The following RAB3GAP2 variants were observed in gnomAD, a reference collection of about 807,000 sequenced individuals.
RAB3GAP2 encodes rab3 GTPase-activating protein non-catalytic subunit.
In RAB3GAP2, 87 loss-of-function variants were observed where a neutral mutation model predicts 185.3. That is an observed-to-expected ratio of 0.47 (90% CI 0.39 to 0.56). The LOEUF is 0.56. Ranked by LOEUF, RAB3GAP2 falls within the 20% of genes least tolerant of loss-of-function variation. The pLI is 0.00. For missense variants in RAB3GAP2, 1,492 were observed against 1,638.2 expected (o/e 0.91, Z 1.54); for synonymous variants, 554 against 576.1 (o/e 0.96, Z 0.55).
intron 1 of RAB3GAP2, among the ~76,000 whole-genome samples, chr1:220,249,636 G>T (rs1659894457): frequency 6.6e-6 from 1 of 152,192 alleles, no homozygotes; most frequent in Non-Finnish European, 1.5e-5. Flanking sequence ...TGTCACCAGT[G>T]CATGTCAGAG....
chr1:220,231,854 T>C (rs1434971455), intron 2 of RAB3GAP2, among the ~76,000 whole-genome samples: 1 of 152,208 alleles, frequency 6.6e-6, no homozygotes, highest in Non-Finnish European at 1.5e-5. Context: ...GAAACAGGCA[T>C]TAGGATGAAG....
chr1:220,267,751 G>A (rs1023333331), intron 1 of RAB3GAP2: 45 of 1,548,028 alleles, frequency 2.9e-5, no homozygotes, highest in Non-Finnish European at 3.7e-5. Context: ...AAAGGAACAC[G>A]CTGCGAAGAA....
At chr1:220,237,282 T>G (rs1205451111) in intron 1 of RAB3GAP2, among the ~76,000 whole-genome samples, 1 of 152,198 alleles carries the variant, frequency 6.6e-6, no homozygotes, top group African/African-American at 2.4e-5. Context: ...CTACAAATTA[T>G]ACGGCAATTT....
intron 4 of RAB3GAP2, among the ~76,000 whole-genome samples, chr1:220,212,457 C>A (rs1426112864): frequency 1.3e-5 from 2 of 152,028 alleles, no homozygotes; most frequent in African/African-American, 4.8e-5. Flanking sequence ...TATACATTTA[C>A]TAAACATTTC....
intron 1 of RAB3GAP2, among the ~76,000 whole-genome samples, chr1:220,234,484 C>G (rs548884355): frequency 8.5e-5 from 13 of 152,184 alleles, no homozygotes; most frequent in Admixed American, 8.5e-4. Context: ...CAAATAATTA[C>G]TTCCTAATAG....
intron 21 of RAB3GAP2, among the ~76,000 whole-genome samples, chr1:220,175,909 T>G (rs1184721763): frequency 1.3e-5 from 2 of 152,228 alleles, no homozygotes; most frequent in Non-Finnish European, 2.9e-5. Context: ...CAGTCAAGCT[T>G]TTGTTTGTAT....
chr1:220,260,442 G>C (rs1056117987), intron 1 of RAB3GAP2, among the ~76,000 whole-genome samples: 1 of 152,184 alleles, frequency 6.6e-6, no homozygotes, highest in African/African-American at 2.4e-5. Context: ...TACGTCCTTT[G>C]CAGGGACATG....
chr1:220,255,171 A>C (rs1224010008), intron 1 of RAB3GAP2, among the ~76,000 whole-genome samples: 1 of 151,924 alleles, frequency 6.6e-6, no homozygotes, highest in Non-Finnish European at 1.5e-5. Context: ...ATTGTTTTTC[A>C]GATCTTCAAT....
At chr1:220,165,208 C>T (rs1343428282) in intron 26 of RAB3GAP2, among the ~76,000 whole-genome samples, 4 of 147,934 alleles carry the variant, frequency 2.7e-5, no homozygotes, top group South Asian at 4.4e-4. Context: ...ATTTGAAGCA[C>T]GATGGATTCC....
intron 16 of RAB3GAP2, 114 bp downstream of exon 16, chr1:220,189,950 G>A (rs1658582210): frequency 9.1e-7 from 1 of 1,094,778 alleles, no homozygotes; most frequent in South Asian, 1.3e-5. Flanking sequence ...GCCTTACAGA[G>A]CAATTCCAAT....
At chr1:220,211,178 A>T in intron 4 of RAB3GAP2, 176 bp from the exon 5 acceptor site, 1 of 705,438 alleles carries the variant, frequency 1.4e-6, no homozygotes, top group Non-Finnish European at 2.5e-6. Flanking sequence ...CATAAAATTC[A>T]TTCACACAAA....
At chr1:220,235,803 T>A (rs1255729156) in intron 1 of RAB3GAP2, among the ~76,000 whole-genome samples, 1 of 152,150 alleles carries the variant, frequency 6.6e-6, no homozygotes, top group Non-Finnish European at 1.5e-5. Context: ...AGACCCAGTA[T>A]CTCTCTATGC....
In RAB3GAP2 at chr1:220,171,074, G is replaced by C. The variant is rs1571880860; in HGVS notation, c.2624C>G (p.Ser875Cys). 2.5e-6 allele frequency: 4 copies of C among 1,614,148 alleles called. No individual in the cohort carries two copies. Among genetic ancestry groups the C allele is most frequent in the Non-Finnish European group, 2.5e-6 (3 of 1,180,008 alleles). Residue 875 changes from serine to cysteine, a missense_variant, in exon 24 of 35, where the codon TCC becomes TGC. Transcript: ENST00000358951. ...LGADSEALTDSWEALSLDTEY... is the reference protein window; with the variant it reads ...LGADSEALTDCWEALSLDTEY... ...AGTGTCAAGAGAAAGTGCCTCCCAG[G>C]AATCAGTGAGGGCCTCTGAATCAGC...
In RAB3GAP2 at chr1:220,182,814, C is replaced by T. The variant is rs143888044; in HGVS notation, c.2116G>A (p.Gly706Ser). 1 of 1,613,284 alleles carries T rather than the reference C, an allele frequency of 6.2e-7. No homozygotes were observed. The highest frequency in any genetic ancestry group is 1.7e-5 in the Admixed American group (1 of 60,004). Residue 706 changes from glycine (G) to serine (S), a missense_variant, in exon 20 of 35, where the codon GGT (glycine) becomes AGT (serine). By Grantham distance (56) the Gly-to-Ser change is moderately conservative. Transcript: ENST00000358951. The stretch of plus-strand genomic sequence containing the variant: ...AAGAATGTTTTTACAGGCAACACAC[C>T]ATCTTTATCATCAGAAAATCGAACA... ...TNVRFSDDKD[G>S]VLPVKTFLEY... is the part of the protein sequence containing the mutation.
intron 8 of RAB3GAP2, among the ~76,000 whole-genome samples, chr1:220,204,734 C>G (rs1362148066): frequency 4.3e-5 from 5 of 115,802 alleles, no homozygotes; most frequent in Admixed American, 9.7e-5. Flanking sequence ...TATCCCTCCC[C>G]CCTCCCCCCA....
At chr1:220,194,084 C>T (rs1220139156) in intron 12 of RAB3GAP2, among the ~76,000 whole-genome samples, 3 of 151,826 alleles carry the variant, frequency 2.0e-5, no homozygotes, top group Admixed American at 6.6e-5. Flanking sequence ...AGCTATACTT[C>T]GATAAATTTT....
intron 2 of RAB3GAP2, among the ~76,000 whole-genome samples, chr1:220,228,042 C>G (rs541612482): frequency 4.3e-4 from 66 of 152,302 alleles, no homozygotes; most frequent in African/African-American, 1.5e-3. Context: ...CGTGAGCCAC[C>G]GCGCCTGGCC....
At chr1:220,217,439 T>C (rs1659220243) in intron 2 of RAB3GAP2, among the ~76,000 whole-genome samples, 1 of 152,168 alleles carries the variant, frequency 6.6e-6, no homozygotes, top group South Asian at 2.1e-4. Context: ...TTTCTGTTTT[T>C]CCATCAGAAG....
At chr1:220,229,394 A>G (rs1659458369) in intron 2 of RAB3GAP2, among the ~76,000 whole-genome samples, 1 of 152,260 alleles carries the variant, frequency 6.6e-6, no homozygotes, top group African/African-American at 2.4e-5. Flanking sequence ...TTCCAAATTT[A>G]TAAAGCCTTA....
Sources: allele counts gnomAD v4.1 joint callset (sites outside exome capture counted in the v4.1 genomes callset), GRCh38; gene constraint gnomAD v4.1.1; transcripts MANE v1.5; gene names NCBI Gene and HGNC (gene_info 2026-07-23, HGNC 2026-07-21).